The following NHSL1 variants were observed in gnomAD, a reference collection of about 807,000 sequenced individuals.
The protein encoded by NHSL1 is NHS-like protein 1.
In NHSL1, 48 loss-of-function variants were observed where a neutral mutation model predicts 95.0. That is an observed-to-expected ratio of 0.51 (90% CI 0.40 to 0.64). The LOEUF (loss-of-function observed/expected upper bound fraction) is 0.64. Ranked by LOEUF, NHSL1 falls within the 30% of genes least tolerant of loss-of-function variation. The pLI is 0.00. For synonymous variants in NHSL1, 783 were observed against 833.9 expected (o/e 0.94, Z 1.05); for missense variants, 1,971 against 2,077.7 (o/e 0.95, Z 1.00).
At chr6:138,603,389 C>T (rs910540053) in intron 1 of NHSL1, among the ~76,000 whole-genome samples, 3 of 152,112 alleles carry the variant, frequency 2.0e-5, no homozygotes, top group Non-Finnish European at 4.4e-5. Flanking sequence ...ACACACAGTG[C>T]TCTAGCCAAC....
intron 2 of NHSL1, among the ~76,000 whole-genome samples, chr6:138,484,332 T>A (rs2128267252): frequency 6.6e-6 from 1 of 152,056 alleles, no homozygotes; most frequent in East Asian, 1.9e-4. Flanking sequence ...AATGGACAGG[T>A]TTCTTTGCCA....
intron 1 of NHSL1, among the ~76,000 whole-genome samples, chr6:138,591,513 C>G (rs574804619): frequency 2.6e-5 from 4 of 152,270 alleles, no homozygotes; most frequent in African/African-American, 9.6e-5. Context: ...ACCTCTAGAG[C>G]TCAAGCAATC....
Position 138,629,369 on chromosome 6 carries a change from A to ATTTC in NHSL1, c.96+63103_96+63106dup, listed in dbSNP as rs1216947590. On this transcript the variant is annotated intron_variant, in intron 1 of 3. Coordinates refer to the NHSL1 transcript ENST00000491526. ...TGTTGCCCAATAATTTTACATCAGT[A>ATTTC]TTTCTTTCTTTCTTTCTTTCTTTTT... Among the ~76,000 whole-genome samples, 9 of 149,130 alleles carry ATTTC rather than the reference A, an allele frequency of 6.0e-5. No homozygotes were observed. The South Asian group carries it at 6.5e-4, about 11-fold the overall frequency.
At chr6:138,506,902 G>T (rs1780990724) in intron 1 of NHSL1, among the ~76,000 whole-genome samples, 2 of 152,126 alleles carry the variant, frequency 1.3e-5, no homozygotes, top group African/African-American at 4.8e-5. Context: ...GACTTATAAA[G>T]TTCCTGCTGC....
chr6:138,652,464 GTATGGCTA>G (rs1348574515), intron 1 of NHSL1, among the ~76,000 whole-genome samples: 14 of 151,248 alleles, frequency 9.3e-5, no homozygotes, highest in African/African-American at 3.4e-4. Context: ...AAAAATTAAG[GTATGGCTA>G]TATCACAGAA....
intron 1 of NHSL1, among the ~76,000 whole-genome samples, chr6:138,668,538 T>C (rs920252614): frequency 6.6e-6 from 1 of 152,024 alleles, no homozygotes; most frequent in Non-Finnish European, 1.5e-5. Flanking sequence ...CCCATAAACA[T>C]ATGCAATTAT....
rs528930831 is a variant in NHSL1, at chr6:138,629,186, C to T, written c.96+63290G>A. On this transcript the variant is annotated intron_variant, in intron 1 of 3. Transcript: ENST00000491526. ...AATGTAACTGAATAAAGTTATCCTC[C>T]GAGAGGGAGACAATGGTATCTGCTG... is the stretch of plus-strand genomic sequence containing the variant. Among the ~76,000 whole-genome samples the T allele has an allele frequency of 4.3e-4, 66 of 152,242 alleles. 1 individual carries two copies. The South Asian group carries it at 0.011, about 25-fold the overall frequency.
intron 1 of NHSL1, chr6:138,512,439 T>C: frequency 2.7e-6 from 1 of 375,098 alleles, no homozygotes. Flanking sequence ...GTAACCTCCC[T>C]CTTCTTCTTC....
chr6:138,438,416 T>C (rs186709038), intron 5 of NHSL1, among the ~76,000 whole-genome samples: 201 of 152,360 alleles, frequency 1.3e-3, no homozygotes, highest in Non-Finnish European at 2.1e-3. Context: ...ACATAACTTT[T>C]ATAGGCACTG....
chr6:138,467,797 T>C (rs1778489745), intron 3 of NHSL1, among the ~76,000 whole-genome samples: 1 of 152,210 alleles, frequency 6.6e-6, no homozygotes, highest in Non-Finnish European at 1.5e-5. Flanking sequence ...AGCTATACAA[T>C]GTATTTATGT....
At position 138,506,897 on chromosome 6, in the gene NHSL1, AT is replaced by A. The variant is rs545068164; in HGVS notation, c.17-10527del. Among the ~76,000 whole-genome samples the A allele has an allele frequency of 2.0e-5, 3 of 152,372 alleles. No homozygotes were observed. In the East Asian group the frequency reaches 5.8e-4, roughly 29 times the overall value. ...TAATCAAGACAAATTGAGTGGACTT[AT>A]AAAGTTCCTGCTGCTGGGCATTTAT... On this transcript the variant is annotated intron_variant, in intron 1 of 4. Coordinates refer to the NHSL1 transcript ENST00000342260.
intron 1 of NHSL1, among the ~76,000 whole-genome samples, chr6:138,582,399 A>G (rs560695136): frequency 6.6e-6 from 1 of 152,308 alleles, no homozygotes. Context: ...GACCAAAAAA[A>G]AAAGAGATGG....
intron 3 of NHSL1, among the ~76,000 whole-genome samples, chr6:138,456,535 T>C (rs1777623644): frequency 6.6e-6 from 1 of 152,220 alleles, no homozygotes; most frequent in African/African-American, 2.4e-5. Context: ...AAAATCTAGA[T>C]CTAATACATC....
intron 1 of NHSL1, among the ~76,000 whole-genome samples, chr6:138,677,803 G>T (rs920650349): frequency 8.5e-5 from 13 of 152,336 alleles, no homozygotes; most frequent in Admixed American, 4.6e-4. Flanking sequence ...GGTCACGTCT[G>T]CTGGGCCCAC....
chr6:138,652,237 T>C (rs537877732), intron 1 of NHSL1, among the ~76,000 whole-genome samples: 1 of 151,770 alleles, frequency 6.6e-6, no homozygotes, highest in East Asian at 1.9e-4. Flanking sequence ...AGGTCAGGAG[T>C]TCGAGACCAG....
At chr6:138,443,932 C>T (rs1467534642) in intron 4 of NHSL1, among the ~76,000 whole-genome samples, 3 of 152,176 alleles carry the variant, frequency 2.0e-5, no homozygotes, top group African/African-American at 2.4e-5. Flanking sequence ...AAGAAACAAA[C>T]CATTTGAGGA....
chr6:138,502,244 T>A (rs1411680210), upstream of NHSL1, among the ~76,000 whole-genome samples: 1 of 152,244 alleles, frequency 6.6e-6, no homozygotes, highest in Non-Finnish European at 1.5e-5. Flanking sequence ...AAGCACTTAT[T>A]AATTAGAAAG....
intron 2 of NHSL1, among the ~76,000 whole-genome samples, chr6:138,482,392 G>A (rs1355341017): frequency 6.8e-6 from 1 of 147,440 alleles, no homozygotes; most frequent in African/African-American, 2.5e-5. Context: ...GTTGCAGTGA[G>A]CTGAGATGGC....
chr6:138,462,871 A>T (rs1274359525), intron 3 of NHSL1, among the ~76,000 whole-genome samples: 1 of 152,228 alleles, frequency 6.6e-6, no homozygotes, highest in Non-Finnish European at 1.5e-5. Flanking sequence ...GAGCCAGCAG[A>T]GTTGAAAATG....
Sources: gnomAD v4.1 joint callset for allele counts (sites outside exome capture counted in the v4.1 genomes callset) on GRCh38, gnomAD v4.1.1 for gene constraint, MANE v1.5 for transcripts, NCBI Gene and HGNC (gene_info 2026-07-23, HGNC 2026-07-21) for gene names.